TMEM67: variants seen among roughly 807,000 people sequenced by gnomAD.
TMEM67 encodes the protein transmembrane protein 67, also known as meckelin.
A neutral mutation model predicts 136.6 loss-of-function variants in TMEM67; 124 were observed. The ratio of observed to expected loss-of-function variants is 0.91; its 90% CI spans 0.78 to 1.05. The LOEUF (loss-of-function observed/expected upper bound fraction) is 1.05, where lower values mean the gene tolerates loss of function less well. TMEM67 is among the 50% of genes least tolerant of loss of function. TMEM67 has a pLI of 0.00. For synonymous variants in TMEM67, 364 were observed against 390.5 expected (o/e 0.93, Z 0.80); for missense variants, 1,107 against 1,178.4 (o/e 0.94, Z 0.89).
downstream of TMEM67, among the ~76,000 whole-genome samples, chr8:93,821,268 C>T (rs918586246): frequency 6.6e-6 from 1 of 152,076 alleles, no homozygotes; most frequent in Non-Finnish European, 1.5e-5. Flanking sequence ...TCATGACTTT[C>T]ATGTAGGTCT....
the TMEM67 span, among the ~76,000 whole-genome samples, chr8:93,825,637 T>C: frequency 7.2e-5 from 11 of 152,208 alleles, no homozygotes; most frequent in Non-Finnish European, 1.5e-4. Context: ...AAGGAGTTGA[T>C]ATCCATATAG....
At chr8:93,779,586 A>G (rs550806765) in intron 7 of TMEM67, among the ~76,000 whole-genome samples, 1 of 152,158 alleles carries the variant, frequency 6.6e-6, no homozygotes, top group South Asian at 2.1e-4. Context: ...GTTGATGTTG[A>G]TGCTATTCCT....
At chr8:93,788,927 A>C (rs1189167059) in intron 14 of TMEM67, among the ~76,000 whole-genome samples, 1 of 152,128 alleles carries the variant, frequency 6.6e-6, no homozygotes, top group African/African-American at 2.4e-5. Context: ...TCCTCTTCTC[A>C]ACTTCTCCAG....
At chr8:93,827,049 T>C in the TMEM67 span, among the ~76,000 whole-genome samples, 1 of 152,198 alleles carries the variant, frequency 6.6e-6, no homozygotes, top group Admixed American at 6.5e-5. Context: ...CAGGCTGGTC[T>C]CAAACTCCTG....
At chr8:93,807,937 T>A in intron 23 of TMEM67, among the ~76,000 whole-genome samples, 1 of 151,924 alleles carries the variant, frequency 6.6e-6, no homozygotes, top group Non-Finnish European at 1.5e-5. Flanking sequence ...CCAAAATGGA[T>A]ATGGATATCT....
intron 11 of TMEM67, among the ~76,000 whole-genome samples, chr8:93,782,939 A>G (rs915536223): frequency 6.6e-6 from 1 of 152,114 alleles, no homozygotes; most frequent in South Asian, 2.1e-4. Context: ...ACCTGGGTAC[A>G]TAAAAGCTTA....
At position 93,795,908 on chromosome 8, in the gene TMEM67, A is replaced by G. The variant is rs142280651; in HGVS notation, c.1781A>G (p.Lys594Arg). 34 of 1,596,592 alleles carry G rather than the reference A, an allele frequency of 2.1e-5. No homozygotes were observed. Among genetic ancestry groups the G allele is most frequent in the Non-Finnish European group, 2.9e-5 (34 of 1,164,362 alleles). Residue 594 changes from lysine (K) to arginine (R), a missense_variant, in exon 18 of 28, where the codon AAG becomes AGG. Lys to Arg is a conservative substitution (Grantham distance 26). Transcript: ENST00000453321. ...LYWLIFFKAQ[K>R]SVSVLLPMPI... ...AAGTAATTTTTATTATAGGCACAGA[A>G]GTCTGTGTCTGTTTTGCTGCCAATG... is the stretch of plus-strand genomic sequence containing the variant.
rs557700820 is a variant in TMEM67, at chr8:93,817,256, G to T, written c.*804G>T. 1 of 152,186 alleles carries T rather than the reference G, an allele frequency of 6.6e-6. No individual in the cohort carries two copies. Among genetic ancestry groups the T allele is most frequent in the Non-Finnish European group, 1.5e-5 (1 of 68,040 alleles). 9.4% of individuals were successfully genotyped at this position (152,186 alleles called of 1,614,324 possible). The stretch of plus-strand genomic sequence containing the variant: ...TGTAAATAACAAACAGTAAGGCTGG[G>T]CGCTGTGGCTTACGCCTGTAATCCC... On this transcript the variant is annotated 3_prime_UTR_variant, in exon 28 of 28. Coordinates refer to ENST00000453321, the MANE Select transcript of TMEM67 (RefSeq NM_153704.6).
intron 23 of TMEM67, among the ~76,000 whole-genome samples, chr8:93,808,450 TATAA>T (rs1237789586): frequency 2.1e-3 from 1 of 474 alleles, no homozygotes; most frequent in African/African-American, 6.5e-3. Flanking sequence ...ATTTATTATA[TATAA>T]ATATATATTT....
rs1428102194 is a variant in TMEM67 at position 93,780,929 on chromosome 8, G to A, written c.925G>A (p.Val309Met). The change falls in exon 9 of 28, where the codon GTG (valine) becomes ATG (methionine). Residue 309 changes from valine to methionine, a missense_variant. Around this residue, in one of 3 missense-constraint regions of TMEM67, gnomAD observed 925 missense variants for 1,002.4 expected, o/e 0.92. Transcript: ENST00000453321. ...AGACCAGTTAGGATTAGCACCTCAAGTGCTCAGTTCTACCTCTCTTCCTAC... is the reference window on the plus strand; with the variant it reads ...AGACCAGTTAGGATTAGCACCTCAAATGCTCAGTTCTACCTCTCTTCCTAC... ...YGDQLGLAPQ[V>M]LSSTSLPTNF... 6.2e-7 allele frequency: 1 copy of A among 1,612,448 alleles called. No homozygotes were observed. Among genetic ancestry groups the A allele is most frequent in the Non-Finnish European group, 8.5e-7 (1 of 1,179,866 alleles).
At chr8:93,780,505 A>G in intron 7 of TMEM67, 88 bp from the exon 8 acceptor site, 1 of 1,492,876 alleles carries the variant, frequency 6.7e-7, no homozygotes, top group Non-Finnish European at 9.3e-7. Flanking sequence ...ATCTTGGAAC[A>G]GACCTGCACA....
chr8:93,756,904 T>A (rs1812596219), intron 2 of TMEM67: 1 of 151,784 alleles, frequency 6.6e-6, no homozygotes, highest in Non-Finnish European at 1.5e-5. Context: ...TGAAACCCCA[T>A]CTCTACTAAA....
At chr8:93,797,109 G>C (rs781074693) in intron 18 of TMEM67, 25 bp from the exon 19 acceptor site, 29 of 1,379,550 alleles carry the variant, frequency 2.1e-5, no homozygotes, top group Non-Finnish European at 3.0e-5. Context: ...ACTTTTTCAG[G>C]TGTTTTATTA....
rs763774160 is a variant in TMEM67 at position 93,812,424 on chromosome 8, G to A, written c.2764+2537G>A. Among the ~76,000 whole-genome samples the A allele has an allele frequency of 1.8e-4, 28 of 152,212 alleles. 1 individual carries two copies. The highest frequency in any genetic ancestry group is 3.2e-4 in the Non-Finnish European group (22 of 68,042). On this transcript the variant is annotated intron_variant, in intron 26 of 27. Transcript: ENST00000453321. ...TTGACCCCAGCAGTTCGAGGCTGCA[G>A]TGAGTTATGATCATGCCATAGCACT... is the stretch of plus-strand genomic sequence containing the variant.
rs1005535447 is a variant in TMEM67, at chr8:93,755,113, G to A, written c.199G>A (p.Ala67Thr). The A allele has an allele frequency of 6.2e-7, 1 of 1,614,192 alleles. No individual in the cohort carries two copies. The highest frequency in any genetic ancestry group is 8.5e-7 in the Non-Finnish European group (1 of 1,180,038). Residue 67 changes from alanine (A) to threonine (T), a missense_variant, in exon 1 of 28, where the codon GCT becomes ACT. Physicochemically the swap from Ala to Thr is moderately conservative, Grantham distance 58. Transcript: ENST00000453321. ...CGCCCTCTCGTGTGTTCCTTGTGGAGCTAACCAGAGGCAAGATGCCCGAGG... is the reference window on the plus strand; with the variant it reads ...CGCCCTCTCGTGTGTTCCTTGTGGAACTAACCAGAGGCAAGATGCCCGAGG... ...ISALSCVPCG[A>T]NQRQDARGTS...
At chr8:93,813,792 T>C (rs551285242) in intron 26 of TMEM67, among the ~76,000 whole-genome samples, 261 of 152,230 alleles carry the variant, frequency 1.7e-3, no homozygotes, top group African/African-American at 6.0e-3. Flanking sequence ...TAGGAGAAAG[T>C]AGAAGCACAC....
Position 93,757,088 on chromosome 8 carries a change from AATATAAATAAATAAAT to A in TMEM67, c.312+1224_312+1239del, listed in dbSNP as rs1341966302. The A allele has an allele frequency of 3.4e-5, 3 of 89,100 alleles. No homozygotes were observed. In the East Asian group the frequency reaches 1.1e-3, roughly 32 times the overall value. 5.5% of individuals were successfully genotyped at this position (89,100 alleles called of 1,614,324 possible). A position where few individuals can be genotyped will look rare whatever the true frequency, so the allele number is the denominator to read the frequency against. On this transcript the variant is annotated intron_variant, in intron 2 of 27. Transcript: ENST00000453321. ...GACTCTGTCTCAAAAAAATAAATAAAATATAAATAAATAAATAAATAAATAAATAAATAAATAAATA... is the reference window on the plus strand; with the variant it reads ...GACTCTGTCTCAAAAAAATAAATAAAAAATAAATAAATAAATAAATAAATA...
At chr8:93,803,808 T>G in intron 22 of TMEM67, 124 bp downstream of exon 22, 2 of 686,782 alleles carry the variant, frequency 2.9e-6, no homozygotes, top group Non-Finnish European at 5.4e-6. Flanking sequence ...TTCCACTGGT[T>G]GTTAATTCCA....
At chr8:93,782,694 C>T (rs1188759210) in intron 11 of TMEM67, among the ~76,000 whole-genome samples, 1 of 151,174 alleles carries the variant, frequency 6.6e-6, no homozygotes, top group African/African-American at 2.4e-5. Flanking sequence ...CTGCCTCAGC[C>T]TCCCGAGTAG....
Sources: gnomAD v4.1 joint callset for allele counts (sites outside exome capture counted in the v4.1 genomes callset) on GRCh38, gnomAD v4.1.1 for gene constraint, gnomAD v4.1.1 regional missense constraint, MANE v1.5 for transcripts, NCBI Gene and HGNC (gene_info 2026-07-23, HGNC 2026-07-21) for gene names.